The following NEBL variants were observed in gnomAD, a reference collection of about 807,000 sequenced individuals.
NEBL encodes nebulette.
A neutral mutation model predicts 140.2 loss-of-function variants in NEBL; 122 were observed. The observed-to-expected ratio is 0.87, with a 90% CI of 0.75 to 1.01. NEBL has a LOEUF of 1.01. NEBL is among the 50% of genes least tolerant of loss of function. NEBL has a pLI of 0.00. For synonymous variants in NEBL, 436 were observed against 398.9 expected, an observed-to-expected ratio of 1.09 and a Z score of -1.11; for missense variants, 1,365 against 1,231.3, an observed-to-expected ratio of 1.11 and a Z score of -1.62.
At chr10:20,836,428 G>T (rs150317563) in intron 13 of NEBL, among the ~76,000 whole-genome samples, 1,931 of 152,138 alleles carry the variant, frequency 0.013, 38 homozygotes, top group African/African-American at 0.044. Flanking sequence ...TCACCACGTT[G>T]GCCAGGCCGG....
chr10:20,799,818 A>G (rs1303694755), intron 26 of NEBL, among the ~76,000 whole-genome samples: 1 of 152,194 alleles, frequency 6.6e-6, no homozygotes, highest in African/African-American at 2.4e-5. Context: ...TTCTTCTTAA[A>G]TAAAGCTCAT....
chr10:21,206,496 A>AG lies in NEBL; in HGVS notation n.349-34020dup, dbSNP rs200888629. 4.0e-3 allele frequency among the ~76,000 whole-genome samples: 607 copies of AG among 152,298 alleles called. 3 individuals carry two copies. The highest frequency in any genetic ancestry group is 0.031 in the Middle Eastern group (9 of 294). ...AGCCCCCAGGGGCTGAGATCTAACC[A>AG]GGGGGGTAGAAACTGTGGATTGCTC... On this transcript the variant is annotated intron_variant and non_coding_transcript_variant, in intron 3 of 8. Coordinates refer to the NEBL transcript ENST00000675702.
chr10:21,264,273 A>G (rs915004304), intron 1 of NEBL, among the ~76,000 whole-genome samples: 2 of 151,908 alleles, frequency 1.3e-5, no homozygotes, highest in African/African-American at 4.8e-5. Context: ...ATATATAAAG[A>G]GCATCTCTCA....
At chr10:21,283,696 T>C (rs1157794781) in intron 1 of NEBL, among the ~76,000 whole-genome samples, 2 of 152,206 alleles carry the variant, frequency 1.3e-5, no homozygotes, top group African/African-American at 2.4e-5. Flanking sequence ...CAGTGAATCA[T>C]ATGAATATTC....
rs201787734 is a variant in NEBL at position 20,858,160 on chromosome 10, G to T, written c.903+80C>A. The T allele has an allele frequency of 3.2e-4, 355 of 1,094,402 alleles. 2 individuals are homozygous for T. In the East Asian group the frequency reaches 8.2e-3, roughly 25 times the overall value. 67.8% of individuals were successfully genotyped at this position (1,094,402 alleles called of 1,614,324 possible). A position where few individuals can be genotyped will look rare whatever the true frequency, so the allele number is the denominator to read the frequency against. On this transcript the variant is annotated intron_variant, in intron 9 of 27. Coordinates refer to ENST00000377122, the MANE Select transcript of NEBL (RefSeq NM_006393.3). ...AGGCACAGGCCTTCTAAGGAAGCAG[G>T]TGAGCACATGAACGCTGCAGACATA...
chr10:21,237,543 C>T (rs1298495724), intron 3 of NEBL, among the ~76,000 whole-genome samples: 2 of 151,954 alleles, frequency 1.3e-5, no homozygotes, highest in Non-Finnish European at 2.9e-5. Flanking sequence ...TTTCTGTTAA[C>T]ATCTAATTGA....
At chr10:21,262,018 G>A (rs940890389) in intron 1 of NEBL, among the ~76,000 whole-genome samples, 2 of 152,122 alleles carry the variant, frequency 1.3e-5, no homozygotes, top group South Asian at 2.1e-4. Context: ...AAGCCAAAAG[G>A]CCCCTCTCTT....
At chr10:21,074,475 AT>A (rs1443387697) in intron 2 of NEBL, among the ~76,000 whole-genome samples, 1 of 142,836 alleles carries the variant, frequency 7.0e-6, no homozygotes, top group African/African-American at 2.8e-5. Flanking sequence ...TTCTTTCTGA[AT>A]TTTTTTCTTT....
At chr10:20,934,061 A>G (rs971342017) in intron 4 of NEBL, among the ~76,000 whole-genome samples, 1 of 152,172 alleles carries the variant, frequency 6.6e-6, no homozygotes, top group Non-Finnish European at 1.5e-5. Flanking sequence ...GCCCCATTTT[A>G]CACTTCAACT....
At chr10:21,026,982 G>A (rs56097275) in intron 2 of NEBL, among the ~76,000 whole-genome samples, 2,789 of 152,288 alleles carry the variant, frequency 0.018, 90 homozygotes, top group African/African-American at 0.063. Context: ...TCACTGGTTG[G>A]CAGTGTTTGA....
At chr10:21,227,653 TTTCTTCTTCTTCTTCTTCTTC>T (rs549558619) in intron 3 of NEBL, among the ~76,000 whole-genome samples, 41 of 83,284 alleles carry the variant, frequency 4.9e-4, no homozygotes, top group African/African-American at 1.6e-3. Flanking sequence ...GCACTTGAAG[TTTCTTCTTCTTCTTCTTCTTC>T]TTCTTCTTCT....
chr10:21,142,738 T>G (rs1405156870), intron 2 of NEBL, among the ~76,000 whole-genome samples: 1 of 152,120 alleles, frequency 6.6e-6, no homozygotes, highest in Non-Finnish European at 1.5e-5. Flanking sequence ...AGCGGTGGTA[T>G]TAGAGTCTCA....
intron 5 of NEBL, among the ~76,000 whole-genome samples, chr10:20,877,598 C>A (rs1391561714): frequency 6.6e-6 from 1 of 152,156 alleles, no homozygotes; most frequent in Admixed American, 6.5e-5. Flanking sequence ...GAAAAGGCTG[C>A]CTGGGAGTAG....
upstream of NEBL, among the ~76,000 whole-genome samples, chr10:20,900,602 T>C (rs1206747807): frequency 6.7e-6 from 1 of 150,368 alleles, no homozygotes; most frequent in Admixed American, 6.6e-5. Context: ...GGCAGGTGGA[T>C]TGCTTGAGCT....
intron 2 of NEBL, among the ~76,000 whole-genome samples, chr10:20,890,616 T>G (rs1252643302): frequency 6.6e-6 from 1 of 152,182 alleles, no homozygotes. Context: ...GAAGGCCTTC[T>G]TGCTGGAGAT....
At chr10:20,909,893 A>G (rs768074798) in intron 4 of NEBL, among the ~76,000 whole-genome samples, 3 of 151,536 alleles carry the variant, frequency 2.0e-5, no homozygotes, top group South Asian at 2.1e-4. Context: ...TATCTGCAGG[A>G]AAAAAAAAGT....
chr10:21,141,307 G>C lies in NEBL; in HGVS notation c.164+31076C>G, dbSNP rs77485933. On this transcript the variant is annotated intron_variant, in intron 2 of 6. Coordinates refer to the NEBL transcript ENST00000417816. ...TGAAAGTTATATGGTATTTATGTAAGGGAATGCCTTCGTTTTTAGGAAATA... is the reference window on the plus strand; with the variant it reads ...TGAAAGTTATATGGTATTTATGTAACGGAATGCCTTCGTTTTTAGGAAATA... Among the ~76,000 whole-genome samples the C allele has an allele frequency of 6.2e-3, 945 of 152,264 alleles. 43 individuals are homozygous for C. In the East Asian group the frequency reaches 0.12, roughly 20 times the overall value.
intron 2 of NEBL, among the ~76,000 whole-genome samples, chr10:21,107,536 T>C (rs1837776580): frequency 6.6e-6 from 1 of 152,202 alleles, no homozygotes; most frequent in South Asian, 2.1e-4. Flanking sequence ...TCATGACAGA[T>C]AAGCTTTCTG....
intron 2 of NEBL, among the ~76,000 whole-genome samples, chr10:21,070,554 C>T (rs1317484611): frequency 2.6e-5 from 4 of 152,060 alleles, no homozygotes; most frequent in Non-Finnish European, 4.4e-5. Context: ...CCCTTAGCTT[C>T]GTGAGTCTCC....
Sources: allele counts gnomAD v4.1 joint callset (sites outside exome capture counted in the v4.1 genomes callset), GRCh38; gene constraint gnomAD v4.1.1; transcripts MANE v1.5; gene names NCBI Gene and HGNC (gene_info 2026-07-23, HGNC 2026-07-21).